Variants in ITFG2 observed in about 807,000 individuals in gnomAD.
ITFG2 encodes the protein KICSTOR complex protein ITFG2.
ITFG2 carries 36 observed loss-of-function variants against 54.4 expected under a neutral mutation model. The observed-to-expected ratio is 0.66, with a 90% confidence interval of 0.51 to 0.87. ITFG2 has a LOEUF of 0.87. Among genes scored for constraint, ITFG2 ranks in the 40% least tolerant of loss-of-function variants. The pLI, the probability that ITFG2 is intolerant of heterozygous loss-of-function variation, is 0.00. For synonymous variants in ITFG2, 211 were observed against 225.4 expected (o/e 0.94, Z 0.57); for missense variants, 524 against 576.7 (o/e 0.91, Z 0.94).
chr12:2,856,281 A>G (rs1202405231), intron 2 of ITFG2, among the ~76,000 whole-genome samples: 1 of 152,140 alleles, frequency 6.6e-6, no homozygotes, highest in East Asian at 1.9e-4. Context: ...GCTGGGTGAA[A>G]TGAAATGGCC....
intron 1 of ITFG2, among the ~76,000 whole-genome samples, chr12:2,816,516 A>G (rs989888143): frequency 3.3e-5 from 5 of 151,448 alleles, no homozygotes; most frequent in African/African-American, 1.2e-4. Flanking sequence ...GTTTTAATAG[A>G]AACAGGGTTT....
intron 2 of ITFG2, chr12:2,849,532 G>C (rs1206914811): frequency 2.0e-6 from 3 of 1,535,866 alleles, no homozygotes; most frequent in Non-Finnish European, 1.7e-6. Context: ...GTACCTGTTG[G>C]GAGAAGGGTA....
rs1213884272 is a variant in ITFG2 at position 2,824,644 on chromosome 12, T to C, written c.*451T>C. On this transcript the variant is annotated 3_prime_UTR_variant, in exon 12 of 12. Coordinates refer to ENST00000228799, the MANE Select transcript of ITFG2 (RefSeq NM_018463.4). The stretch of plus-strand genomic sequence containing the variant: ...CACAATTCCAAGTTCTTGACGTTAG[T>C]AATTGTTAAAGGAATGGCAAACTGT... 1 of 194,762 alleles carries C rather than the reference T, an allele frequency of 5.1e-6. No individual in the cohort carries two copies. Among genetic ancestry groups the C allele is most frequent in the East Asian group, 1.4e-4 (1 of 7,306 alleles). The allele number at this position is 194,762 out of a possible 1,614,324, so 12.1% of individuals were successfully genotyped here.
chr12:2,817,718 G>A (rs1164036866), intron 2 of ITFG2, 191 bp from the exon 3 acceptor site: 6 of 546,830 alleles, frequency 1.1e-5, no homozygotes, highest in Non-Finnish European at 1.9e-5. Context: ...AGGTCTTCAT[G>A]TTGCTGTCTG....
In ITFG2 at chr12:2,824,479, T is replaced by A; in HGVS notation, c.*286T>A. On this transcript the variant is annotated 3_prime_UTR_variant, in exon 12 of 12. Transcript: ENST00000228799. ...GCCTTGTTCCAAATCATCTGGGACA[T>A]GACCCACTCCCCACTGTCACTGTGT... 2.3e-6 allele frequency: 1 copy of A among 435,624 alleles called. No individual in the cohort carries two copies. 27.0% of individuals were successfully genotyped at this position (435,624 alleles called of 1,614,324 possible). A position where few individuals can be genotyped will look rare whatever the true frequency, so the allele number is the denominator to read the frequency against.
At chr12:2,816,628 C>CT (rs796359056) in intron 1 of ITFG2, among the ~76,000 whole-genome samples, 4 of 140,562 alleles carry the variant, frequency 2.8e-5, no homozygotes, top group Non-Finnish European at 6.0e-5. Context: ...TGCGCCTGGC[C>CT]TTTTTTTCTT....
intron 2 of ITFG2, among the ~76,000 whole-genome samples, chr12:2,856,626 G>A (rs1461415919): frequency 3.3e-5 from 5 of 152,212 alleles, no homozygotes; most frequent in Non-Finnish European, 5.9e-5. Context: ...ACCTCCCGAA[G>A]TGCTGGGATT....
At chr12:2,849,623 A>C in intron 2 of ITFG2, 7 of 1,369,072 alleles carry the variant, frequency 5.1e-6, no homozygotes, top group Non-Finnish European at 5.9e-6. Context: ...CGCTGTCCAC[A>C]AGCTAGTTAG....
exon 2 of ITFG2, chr12:2,840,988 G>A (rs781458221): frequency 6.5e-6 from 1 of 152,748 alleles, no homozygotes; most frequent in Non-Finnish European, 1.5e-5. Flanking sequence ...ACACAGGGAA[G>A]AGTGCAGGTA....
intron 2 of ITFG2, chr12:2,857,270 C>A: frequency 1.8e-6 from 1 of 549,230 alleles, no homozygotes; most frequent in South Asian, 2.1e-5. Context: ...TGCTGCCGGG[C>A]AGAAGAAAAG....
rs372686450 is a variant in ITFG2, at chr12:2,821,371, G to A, written c.793+12G>A. Reference sequence around the variant, plus strand: ...CAACATCAAACAAGGTGAAAGTGTGGTGGGTGTGAGGGAGGGAGATGAGGG... The same window carrying A: ...CAACATCAAACAAGGTGAAAGTGTGATGGGTGTGAGGGAGGGAGATGAGGG... On this transcript the variant is annotated intron_variant, in intron 7 of 11. Transcript: ENST00000228799. 40 of 1,599,388 alleles carry A rather than the reference G, an allele frequency of 2.5e-5. No homozygotes were observed. The highest frequency in any genetic ancestry group is 3.0e-5 in the Non-Finnish European group (35 of 1,171,332).
In ITFG2 at chr12:2,821,561, G is replaced by A; in HGVS notation, c.812G>A (p.Ser271Asn). The change falls in exon 8 of 12, where the codon AGT becomes AAT. Residue 271 changes from serine to asparagine, a missense_variant. Coordinates refer to ENST00000228799, the MANE Select transcript of ITFG2 (RefSeq NM_018463.4). ...CTCACAGGCCACGGCACTGAGAGTA[G>A]TGGCTCTGGCCTCTTTGCCCTGTGC... is the stretch of plus-strand genomic sequence containing the variant. The part of the protein sequence containing the change: ...NIKQGHGTES[S>N]GSGLFALCTL... The A allele has an allele frequency of 1.9e-6, 3 of 1,614,188 alleles. No individual in the cohort carries two copies. Among genetic ancestry groups the A allele is most frequent in the Non-Finnish European group, 2.5e-6 (3 of 1,180,032 alleles).
At chr12:2,827,156 C>G, downstream of ITFG2, 1 of 1,612,846 alleles carries the variant, frequency 6.2e-7, no homozygotes. This position sits in a 1 kb window ranked among gnomAD's most constrained non-coding sequence, Gnocchi z 4.0. Context: ...CCCCACACGC[C>G]TCTTCTTCTA....
At chr12:2,856,696 T>C (rs143506282) in intron 2 of ITFG2, among the ~76,000 whole-genome samples, 1 of 152,308 alleles carries the variant, frequency 6.6e-6, no homozygotes, top group East Asian at 1.9e-4. Flanking sequence ...AACCCACCTG[T>C]TTCTTGAGCT....
downstream of ITFG2, chr12:2,828,499 G>T (rs2097982011): frequency 2.0e-6 from 2 of 1,019,734 alleles, no homozygotes; most frequent in Admixed American, 2.1e-5. Context: ...GCCCATTGAT[G>T]ATTCCCTCCT....
intron 2 of ITFG2, chr12:2,854,991 C>G: frequency 6.5e-7 from 1 of 1,536,306 alleles, no homozygotes; most frequent in Non-Finnish European, 8.7e-7. Flanking sequence ...CCTCCTTCAA[C>G]TCCTTCACTG....
chr12:2,814,975 G>A (rs985516516), intron 1 of ITFG2, among the ~76,000 whole-genome samples: 3 of 151,658 alleles, frequency 2.0e-5, no homozygotes, highest in Admixed American at 2.0e-4. Flanking sequence ...AAAAAATAAA[G>A]ATTTTTTTTT....
chr12:2,833,290 G>A (rs377580590), upstream of ITFG2, among the ~76,000 whole-genome samples: 1 of 152,100 alleles, frequency 6.6e-6, no homozygotes, highest in Non-Finnish European at 1.5e-5. Context: ...GAGAGCCGAA[G>A]AACCCGCTTC....
intron 1 of ITFG2, among the ~76,000 whole-genome samples, chr12:2,837,183 A>G (rs1490686161): frequency 1.3e-5 from 2 of 151,930 alleles, no homozygotes; most frequent in African/African-American, 4.8e-5. Flanking sequence ...AATGCAAAAA[A>G]TTAGCTGGGC....
Sources: gnomAD v4.1 joint callset for allele counts (sites outside exome capture counted in the v4.1 genomes callset) on GRCh38, gnomAD v4.1.1 for gene constraint, Gnocchi (gnomAD v3.1) non-coding constraint, MANE v1.5 for transcripts, NCBI Gene and HGNC (gene_info 2026-07-23, HGNC 2026-07-21) for gene names.